The following HAUS8 variants were observed in gnomAD, a reference collection of about 807,000 sequenced individuals.
HAUS8 encodes the protein HAUS augmin-like complex subunit 8.
HAUS8 carries 38 observed loss-of-function variants against 42.9 expected under a neutral mutation model. The ratio of observed to expected loss-of-function variants is 0.89; its 90% CI spans 0.68 to 1.16. The LOEUF is 1.16. HAUS8 is among the 50% of genes most tolerant of loss of function. The pLI is 0.00. For synonymous variants in HAUS8, 199 were observed against 205.8 expected (o/e 0.97, Z 0.28); for missense variants, 494 against 511.6 (o/e 0.97, Z 0.33).
At chr19:17,065,551 T>C (rs2123376115) in intron 3 of HAUS8, among the ~76,000 whole-genome samples, 1 of 152,258 alleles carries the variant, frequency 6.6e-6, no homozygotes, top group East Asian at 1.9e-4. Context: ...CCAAAGGAGC[T>C]GGGCGTGGTG....
intron 8 of HAUS8, 139 bp downstream of exon 8, chr19:17,058,410 G>A (rs542548551): frequency 1.8e-5 from 14 of 767,894 alleles, no homozygotes; most frequent in Non-Finnish European, 2.9e-5. Context: ...CAGGACCAGA[G>A]CAAGTGTGGC....
chr19:17,075,176 C>A (rs1436368130), intron 1 of HAUS8: 3 of 550,640 alleles, frequency 5.4e-6, no homozygotes, highest in Non-Finnish European at 9.7e-6. Flanking sequence ...GGTCGCCCAG[C>A]GTCCCAGCCG....
In HAUS8 at chr19:17,075,440, C is replaced by T; in HGVS notation, c.-18G>A. The T allele has an allele frequency of 3.1e-6, 5 of 1,613,504 alleles. No homozygotes were observed. The highest frequency in any genetic ancestry group is 3.3e-5 in the Admixed American group (2 of 60,030). On this transcript the variant is annotated 5_prime_UTR_variant, in exon 1 of 11. Transcript: ENST00000253669. ...TCCGCCATTTTCCCGCCTTCCACCT[C>T]AAGGCCCGACCCGCCGGCTTTTCAA...
At chr19:17,062,298 A>C (rs967040797) in intron 4 of HAUS8, among the ~76,000 whole-genome samples, 8 of 152,112 alleles carry the variant, frequency 5.3e-5, no homozygotes, top group Non-Finnish European at 1.0e-4. Flanking sequence ...TGGCCAGCTA[A>C]TTTTTGTATT....
chr19:17,053,062 C>T (rs1223542465), intron 9 of HAUS8, 96 bp from the exon 10 acceptor site: 15 of 1,454,144 alleles, frequency 1.0e-5, no homozygotes, highest in Middle Eastern at 2.1e-4. Flanking sequence ...TCATGATGCT[C>T]GGCTATCGCG....
rs140232424 is a variant in HAUS8 at position 17,068,931 on chromosome 19, A to C, written c.147+100T>G. On this transcript the variant is annotated intron_variant, in intron 3 of 10. Coordinates refer to ENST00000253669, the MANE Select transcript of HAUS8 (RefSeq NM_033417.2). ...GTGAAGATCCCAAAATGCTTCCTTC[A>C]GGACCAGGTTGTGACCACCTCCCAT... 739 of 1,031,644 alleles carry C rather than the reference A, an allele frequency of 7.2e-4. 3 individuals carry two copies. The African/African-American group carries it at 0.011, about 15-fold the overall frequency. The allele number at this position is 1,031,644 out of a possible 1,614,324, so 63.9% of individuals were successfully genotyped here. A position where few individuals can be genotyped will look rare whatever the true frequency, so the allele number is the denominator to read the frequency against.
Position 17,075,397 on chromosome 19 carries a change from G to T in HAUS8, c.26C>A (p.Ala9Asp), listed in dbSNP as rs769534293. MADSSGRG[A>D]GKPATGPTNS... Reference sequence around the variant, plus strand: ...ACCTGCGGAAGCCCCAACTCACCCAGCGCCTCGCCCCGAGGAATCCGCCAT... The same window carrying T: ...ACCTGCGGAAGCCCCAACTCACCCATCGCCTCGCCCCGAGGAATCCGCCAT... Residue 9 changes from alanine to aspartate, a missense_variant, in exon 1 of 11, where the codon GCT becomes GAT. Transcript: ENST00000253669. 3 of 1,613,814 alleles carry T rather than the reference G, an allele frequency of 1.9e-6. No individual in the cohort carries two copies. The highest frequency in any genetic ancestry group is 2.5e-6 in the Non-Finnish European group (3 of 1,179,908).
chr19:17,062,297 A>G (rs1293126245), intron 4 of HAUS8, among the ~76,000 whole-genome samples: 1 of 152,054 alleles, frequency 6.6e-6, no homozygotes, highest in African/African-American at 2.4e-5. Context: ...ATGGCCAGCT[A>G]ATTTTTGTAT....
Position 17,058,680 on chromosome 19 carries a change from T to C in HAUS8, c.514A>G (p.Arg172Gly), listed in dbSNP as rs766124074. 1.8e-5 allele frequency: 29 copies of C among 1,610,192 alleles called. 2 individuals are homozygous for C. In the South Asian group the frequency reaches 1.9e-4, roughly 10 times the overall value. Reference sequence around the variant, plus strand: ...ATTAATAAATTCTTTTCTGCCCTTCTTTCAAACTCAGCAAGATTGTTCTCC... The same window carrying C: ...ATTAATAAATTCTTTTCTGCCCTTCCTTCAAACTCAGCAAGATTGTTCTCC... ...KMENNLAEFE[R>G]RAEKNLLIMC... Residue 172 changes from arginine to glycine, a missense_variant, in exon 8 of 11, where the codon AGA (arginine) becomes GGA (glycine). Physicochemically the swap from Arg to Gly is moderately radical, Grantham distance 125. Coordinates refer to ENST00000253669, the MANE Select transcript of HAUS8 (RefSeq NM_033417.2).
chr19:17,068,795 A>G (rs2057403369), intron 3 of HAUS8, among the ~76,000 whole-genome samples: 1 of 152,136 alleles, frequency 6.6e-6, no homozygotes, highest in Admixed American at 6.5e-5. Context: ...GAACGATACC[A>G]TGTTTCAATG....
intron 1 of HAUS8, chr19:17,074,829 A>G (rs2057457093): frequency 6.5e-6 from 1 of 152,858 alleles, no homozygotes; most frequent in African/African-American, 2.4e-5. Context: ...TAGCCTCATG[A>G]TCATTCATGC....
At position 17,060,094 on chromosome 19, in the gene HAUS8, T is replaced by C. The variant is rs1264718227; in HGVS notation, c.230-2A>G. 3.1e-6 allele frequency: 5 copies of C among 1,605,730 alleles called. No homozygotes were observed. The highest frequency in any genetic ancestry group is 1.3e-5 in the African/African-American group (1 of 74,654). The stretch of plus-strand genomic sequence containing the variant: ...CCTTTCCGACCCCACTGCTATCTGC[T>C]GTTAAGAAAAGAATCCCCGAAAGTC... On this transcript the variant is annotated splice_acceptor_variant, in intron 4 of 10. Transcript: ENST00000253669. LOFTEE classifies it high-confidence loss of function.
At chr19:17,073,601 C>A in intron 1 of HAUS8, 1 of 498,840 alleles carries the variant, frequency 2.0e-6, no homozygotes, top group East Asian at 3.5e-5. Flanking sequence ...CACAGCAGAT[C>A]TCAAATTATC....
chr19:17,062,477 G>A (rs2057366535), intron 4 of HAUS8, among the ~76,000 whole-genome samples: 1 of 152,096 alleles, frequency 6.6e-6, no homozygotes, highest in South Asian at 2.1e-4. Context: ...TGGCAATGTG[G>A]CTTTTCTCTG....
chr19:17,056,574 G>A (rs1269320476), intron 8 of HAUS8, among the ~76,000 whole-genome samples: 1 of 150,314 alleles, frequency 6.7e-6, no homozygotes, highest in African/African-American at 2.4e-5. Flanking sequence ...CACACATACA[G>A]ACACACACAC....
intron 3 of HAUS8, among the ~76,000 whole-genome samples, chr19:17,068,099 CTTTTTT>C (rs889723027): frequency 1.7e-4 from 16 of 93,480 alleles, no homozygotes; most frequent in Admixed American, 4.8e-4. Context: ...TTATTTTATT[CTTTTTT>C]TTTTTTTTTT....
At chr19:17,064,509 G>C (rs1194829625) in intron 3 of HAUS8, among the ~76,000 whole-genome samples, 1 of 152,202 alleles carries the variant, frequency 6.6e-6, no homozygotes, top group Non-Finnish European at 1.5e-5. Context: ...TGTGGAACTA[G>C]CATAAGGATG....
chr19:17,053,313 A>G (rs1160065568), intron 9 of HAUS8: 2 of 294,992 alleles, frequency 6.8e-6, no homozygotes, highest in African/African-American at 4.3e-5. Context: ...ACTGAAAAAC[A>G]GTCCTTGTTG....
At chr19:17,054,998 G>A (rs2057310920) in intron 9 of HAUS8, 2 of 146,788 alleles carry the variant, frequency 1.4e-5, no homozygotes, top group South Asian at 4.4e-4. Flanking sequence ...AACAATGGCA[G>A]GGCATGGTGA....
Sources: gnomAD v4.1 joint callset for allele counts (sites outside exome capture counted in the v4.1 genomes callset) on GRCh38, gnomAD v4.1.1 for gene constraint, MANE v1.5 for transcripts, NCBI Gene and HGNC (gene_info 2026-07-23, HGNC 2026-07-21) for gene names.